C16orf46: variants seen among roughly 807,000 people sequenced by gnomAD.
The protein encoded by C16orf46 is uncharacterized protein C16orf46.
A neutral mutation model predicts 5.5 loss-of-function variants in C16orf46; 7 were observed. The ratio of observed to expected loss-of-function variants is 1.28; its 90% CI spans 0.73 to 2.40. The LOEUF (loss-of-function observed/expected upper bound fraction) is 2.40. Ranked by LOEUF, C16orf46 falls within the 30% of genes most tolerant of loss-of-function variation. The probability of loss-of-function intolerance (pLI) is 0.00; values close to 1 mark genes in which losing one functional copy is unlikely to be tolerated. For missense variants in C16orf46, 614 were observed against 476.0 expected, an observed-to-expected ratio of 1.29 and a Z score of -2.70; for synonymous variants, 200 against 184.1, an observed-to-expected ratio of 1.09 and a Z score of -0.70.
intron 1 of C16orf46, among the ~76,000 whole-genome samples, chr16:81,073,291 T>C (rs965717875): frequency 6.6e-6 from 1 of 152,234 alleles, no homozygotes; most frequent in Non-Finnish European, 1.5e-5. Flanking sequence ...ACAAGCTCCA[T>C]GTCTTTGGAA....
At chr16:81,075,839 A>C (rs6564818) in intron 1 of C16orf46, among the ~76,000 whole-genome samples, 145,716 of 152,232 alleles carry the variant, frequency 0.96, 70,039 homozygotes, top group Middle Eastern at 1. Context: ...GGAATGTTGA[A>C]GGACCAGGAG....
At chr16:81,065,721 G>C (rs1444301968) in intron 2 of C16orf46, among the ~76,000 whole-genome samples, 1 of 152,052 alleles carries the variant, frequency 6.6e-6, no homozygotes, top group Non-Finnish European at 1.5e-5. Flanking sequence ...CAGAAAACTA[G>C]TTTTTTTCAT....
At chr16:81,067,556 T>C (rs1056396870) in intron 1 of C16orf46, among the ~76,000 whole-genome samples, 7 of 152,172 alleles carry the variant, frequency 4.6e-5, no homozygotes, top group Non-Finnish European at 7.4e-5. Context: ...TTGTTTGTTT[T>C]GGTTTGTTTT....
Position 81,061,152 on chromosome 16 carries a change from C to T in C16orf46, c.*9G>A, listed in dbSNP as rs760122181. 83 of 1,583,566 alleles carry T rather than the reference C, an allele frequency of 5.2e-5. No homozygotes were observed. Among genetic ancestry groups the T allele is most frequent in the South Asian group, 1.4e-4 (12 of 86,914 alleles). ...CGGTGCTTATTCCCAGGGGTTCTAC[C>T]GCAACCGCTCAGAGGATCCTGTGGG... On this transcript the variant is annotated 3_prime_UTR_variant, in exon 4 of 4. Coordinates refer to ENST00000299578, the MANE Select transcript of C16orf46 (RefSeq NM_152337.3).
chr16:81,056,212 T>C (rs957127758), downstream of C16orf46: 1 of 152,212 alleles, frequency 6.6e-6, no homozygotes, highest in African/African-American at 2.4e-5. Flanking sequence ...AAGTGAGTAT[T>C]AAACATCAGA....
chr16:81,060,009 C>T (rs1196086097), downstream of C16orf46, among the ~76,000 whole-genome samples: 1 of 151,818 alleles, frequency 6.6e-6, no homozygotes, highest in African/African-American at 2.4e-5. Flanking sequence ...AGGATGGTCT[C>T]GATCTCCTGA....
chr16:81,077,020 T>G (rs894071588), intron 1 of C16orf46, 116 bp downstream of exon 1: 17 of 152,414 alleles, frequency 1.1e-4, no homozygotes, highest in Non-Finnish European at 1.9e-4. Context: ...ACATAGTGCC[T>G]CTGCCTTTCG....
chr16:81,070,362 A>G (rs1971808306), intron 1 of C16orf46, among the ~76,000 whole-genome samples: 1 of 152,214 alleles, frequency 6.6e-6, no homozygotes, highest in South Asian at 2.1e-4. Context: ...GTTAGAATTA[A>G]GTGGAGAAAT....
intron 2 of C16orf46, among the ~76,000 whole-genome samples, chr16:81,065,473 CAAAAAAAAAAA>C (rs11303086): frequency 4.6e-5 from 3 of 65,386 alleles, no homozygotes; most frequent in Non-Finnish European, 6.4e-5. Context: ...GAATCCGTCT[CAAAAAAAAAAA>C]AAAAAAAAAA....
At chr16:81,053,885 C>G (rs1277771092) in exon 4 of C16orf46, 6 of 574,748 alleles carry the variant, frequency 1.0e-5, no homozygotes, top group Non-Finnish European at 1.8e-5. Flanking sequence ...GAGCCGATGA[C>G]CATGGCAGGT....
chr16:81,062,052 G>C lies in C16orf46; in HGVS notation c.297C>G (p.Cys99Trp). ...PKKARVGEGA[C>W]SDCLVCVNLS... ...GGTTAACACACACCAAGCAGTCGCT[G>C]CAGGCACCTTCCCCTACCCTCGCCT... Residue 99 changes from cysteine to tryptophan, a missense_variant, in exon 4 of 4, where the codon TGC becomes TGG. Transcript: ENST00000299578. The C allele has an allele frequency of 5.0e-6, 8 of 1,613,156 alleles. No homozygotes were observed. The highest frequency in any genetic ancestry group is 6.8e-6 in the Non-Finnish European group (8 of 1,180,002).
chr16:81,054,281 C>CAAAAATAA (rs1971233759), intron 3 of C16orf46, among the ~76,000 whole-genome samples: 1 of 73,470 alleles, frequency 1.4e-5, no homozygotes, highest in Non-Finnish European at 3.9e-5. Context: ...ACAACAACAA[C>CAAAAATAA]AAAAAAAAAC....
chr16:81,064,101 C>T (rs1016514046), intron 2 of C16orf46, 108 bp from the exon 3 acceptor site: 9 of 618,298 alleles, frequency 1.5e-5, no homozygotes, highest in Middle Eastern at 4.4e-4. Flanking sequence ...GGAATATGGC[C>T]GGCCGCGGTG....
rs995361182 is a variant in C16orf46, at chr16:81,061,278, C to T, written c.1071G>A (p.Lys357=). 2.5e-6 allele frequency: 4 copies of T among 1,614,128 alleles called. No homozygotes were observed. The highest frequency in any genetic ancestry group is 1.6e-4 in the Middle Eastern group (1 of 6,062). ...TTTGGGGCCTGTTTTCCTGCTTGGCCTTTGGGAGAACATGCTTTCGGGTGA... is the reference window on the plus strand; with the variant it reads ...TTTGGGGCCTGTTTTCCTGCTTGGCTTTTGGGAGAACATGCTTTCGGGTGA... ...PVITRKHVLP[K]AKQENRPQML... The change falls in exon 4 of 4, where the codon AAG becomes AAA. Residue 357 remains lysine (K), a synonymous_variant. Coordinates refer to ENST00000299578, the MANE Select transcript of C16orf46 (RefSeq NM_152337.3).
chr16:81,068,935 C>T (rs1450767202), intron 1 of C16orf46, among the ~76,000 whole-genome samples: 3 of 152,022 alleles, frequency 2.0e-5, no homozygotes, highest in Non-Finnish European at 4.4e-5. Context: ...GAACTCCTGA[C>T]CTCAGGTGAT....
At chr16:81,060,783 G>C (rs1391404002), downstream of C16orf46, 1 of 213,500 alleles carries the variant, frequency 4.7e-6, no homozygotes, top group Non-Finnish European at 9.2e-6. Context: ...GATGGCTCTG[G>C]GCTGACGTGC....
Position 81,061,233 on chromosome 16 carries a change from G to A in C16orf46, c.1116C>T (p.Phe372=). The change falls in exon 4 of 4, where the codon TTC becomes TTT. Residue 372 remains phenylalanine (F), a synonymous_variant. Transcript: ENST00000299578. ...NRPQMLETKV[F]PRPVLPSLTV... is the part of the protein sequence containing the mutation. ...TGAGAGACGGCAAGACAGGTCTTGG[G>A]AAAACTTTGGTCTCCAGCATTTGGG... The A allele has an allele frequency of 6.2e-7, 1 of 1,614,100 alleles. No individual in the cohort carries two copies. Among genetic ancestry groups the A allele is most frequent in the Non-Finnish European group, 8.5e-7 (1 of 1,180,008 alleles).
chr16:81,062,409 C>T (rs1971514775), intron 3 of C16orf46, among the ~76,000 whole-genome samples: 1 of 152,132 alleles, frequency 6.6e-6, no homozygotes, highest in South Asian at 2.1e-4. Context: ...TTTGTTAATC[C>T]TAAATACTAG....
At chr16:81,069,437 T>A (rs1971768437) in intron 1 of C16orf46, among the ~76,000 whole-genome samples, 1 of 152,242 alleles carries the variant, frequency 6.6e-6, no homozygotes, top group Admixed American at 6.5e-5. Context: ...CCAACTGTGA[T>A]GCAGAGTGTG....
Sources: gnomAD v4.1 joint callset for allele counts (sites outside exome capture counted in the v4.1 genomes callset) on GRCh38, gnomAD v4.1.1 for gene constraint, MANE v1.5 for transcripts, NCBI Gene and HGNC (gene_info 2026-07-23, HGNC 2026-07-21) for gene names.